ZGRF1: variants seen among roughly 807,000 people sequenced by gnomAD.
ZGRF1 encodes zinc finger GRF-type containing 1.
A neutral mutation model predicts 203.5 loss-of-function variants in ZGRF1; 196 were observed. The observed-to-expected ratio is 0.96, with a 90% confidence interval of 0.86 to 1.08. The LOEUF (loss-of-function observed/expected upper bound fraction) is 1.08. Ranked by LOEUF, ZGRF1 falls within the 50% of genes least tolerant of loss-of-function variation. The pLI is 0.00. For missense variants in ZGRF1, 2,326 were observed against 2,416.3 expected (o/e 0.96, Z 0.78); for synonymous variants, 809 against 841.3 (o/e 0.96, Z 0.66).
At chr4:112,631,766 G>A (rs768405492) in intron 3 of ZGRF1, among the ~76,000 whole-genome samples, 164 bp downstream of exon 3, 5 of 152,128 alleles carry the variant, frequency 3.3e-5, no homozygotes, top group South Asian at 4.1e-4. Context: ...TTTTTATAAC[G>A]CACAAATTAA....
intron 19 of ZGRF1, among the ~76,000 whole-genome samples, chr4:112,559,475 C>T (rs1481820271): frequency 6.6e-6 from 1 of 152,200 alleles, no homozygotes; most frequent in Non-Finnish European, 1.5e-5. Context: ...GCTGGGATTA[C>T]AGGTGTGAGG....
chr4:112,631,132 T>C (rs755176368), intron 3 of ZGRF1, among the ~76,000 whole-genome samples: 1 of 152,220 alleles, frequency 6.6e-6, no homozygotes, highest in African/African-American at 2.4e-5. Flanking sequence ...TAGCATATAA[T>C]AAGCAGTTTA....
At chr4:112,622,664 T>C (rs1280133149) in intron 4 of ZGRF1, among the ~76,000 whole-genome samples, 1 of 152,142 alleles carries the variant, frequency 6.6e-6, no homozygotes, top group Non-Finnish European at 1.5e-5. Flanking sequence ...ATAGAGAGTT[T>C]AGGTGGGCCA....
Position 112,553,826 on chromosome 4 carries a change from ACTT to A in ZGRF1, c.5346+6_5346+8del. 1 of 1,592,534 alleles carries A rather than the reference ACTT, an allele frequency of 6.3e-7. No homozygotes were observed. The highest frequency in any genetic ancestry group is 8.5e-7 in the Non-Finnish European group (1 of 1,174,036). ...AATCAAGAAACAAATTGAAGCTACTACTTCTTACCTGCTTCAGCAGGGTTCTAT... is the reference window on the plus strand; with the variant it reads ...AATCAAGAAACAAATTGAAGCTACTACTTACCTGCTTCAGCAGGGTTCTAT... On this transcript the variant is annotated splice_donor_region_variant and intron_variant, in intron 22 of 27. Coordinates refer to ENST00000505019, the MANE Select transcript of ZGRF1 (RefSeq NM_018392.5).
chr4:112,588,002 G>C, intron 11 of ZGRF1, 73 bp from the exon 12 acceptor site: 1 of 1,069,210 alleles, frequency 9.4e-7, no homozygotes, highest in Non-Finnish European at 1.3e-6. Context: ...AAAACAGTGG[G>C]TATACAAAAG....
chr4:112,627,190 T>C (rs572879623), intron 3 of ZGRF1, among the ~76,000 whole-genome samples: 3 of 152,334 alleles, frequency 2.0e-5, no homozygotes, highest in Admixed American at 2.0e-4. Context: ...AATACTTCAT[T>C]TTGGGAAATA....
rs768823321 is a variant in ZGRF1 at position 112,587,438 on chromosome 4, CT to C, written c.3618del (p.Gly1207AlafsTer24). The C allele has an allele frequency of 3.7e-6, 6 of 1,613,874 alleles. No individual in the cohort carries two copies. The highest frequency in any genetic ancestry group is 5.1e-6 in the Non-Finnish European group (6 of 1,179,852). ...TCCTGCCGCTGTTGATAGAGCATGC[CT>C]TTTATCATTTGCAAATGCACAGAGT... ...SLDSVHLQMI[K>X]GMLYQQRQDF... On this transcript the variant is annotated frameshift_variant, in exon 12 of 28. Transcript: ENST00000505019. LOFTEE classifies it high-confidence loss of function.
At chr4:112,602,740 T>C (rs1750169985) in intron 10 of ZGRF1, among the ~76,000 whole-genome samples, 1 of 152,176 alleles carries the variant, frequency 6.6e-6, no homozygotes, top group African/African-American at 2.4e-5. Context: ...GGCAACAACA[T>C]AAATGAATTT....
chr4:112,540,930 T>G lies in ZGRF1; in HGVS notation c.5801A>C (p.Asn1934Thr). 6.4e-7 allele frequency: 1 copy of G among 1,574,124 alleles called. No homozygotes were observed. Among genetic ancestry groups the G allele is most frequent in the Non-Finnish European group, 8.6e-7 (1 of 1,157,908 alleles). The change falls in exon 26 of 28, where the codon AAT becomes ACT. Residue 1934 changes from asparagine (N) to threonine (T), a missense_variant. Coordinates refer to ENST00000505019, the MANE Select transcript of ZGRF1 (RefSeq NM_018392.5). ...GAGTGTAAACGTAGCTTCTGCCACA[T>G]TATGAAAGCTGTTATCTCTTTCTAT... is the stretch of plus-strand genomic sequence containing the variant. Reference protein sequence around the residue: ...EQIERDNSFHNVAEATFTLKL... With the variant: ...EQIERDNSFHTVAEATFTLKL...
intron 10 of ZGRF1, among the ~76,000 whole-genome samples, chr4:112,591,089 A>C (rs1003856334): frequency 6.6e-6 from 1 of 152,192 alleles, no homozygotes; most frequent in African/African-American, 2.4e-5. Context: ...AGTTCAGTGG[A>C]AGACAGACAA....
intron 24 of ZGRF1, among the ~76,000 whole-genome samples, 198 bp from the exon 25 acceptor site, chr4:112,541,466 A>T (rs897212835): frequency 5.9e-5 from 9 of 151,742 alleles, no homozygotes; most frequent in Non-Finnish European, 1.3e-4. Flanking sequence ...AAAATTAGAA[A>T]ATATAAAAGA....
chr4:112,623,964 ATAAG>A, intron 3 of ZGRF1, 88 bp from the exon 4 acceptor site: 1 of 680,196 alleles, frequency 1.5e-6, no homozygotes, highest in Non-Finnish European at 2.6e-6. Context: ...TAATTGTTAT[ATAAG>A]TAATCATATA....
intron 10 of ZGRF1, among the ~76,000 whole-genome samples, chr4:112,597,527 T>C (rs1749232874): frequency 6.6e-6 from 1 of 151,284 alleles, no homozygotes; most frequent in Non-Finnish European, 1.5e-5. Flanking sequence ...TTGTCTCTAA[T>C]AATAATAATA....
chr4:112,583,158 A>G (rs995484091), intron 15 of ZGRF1, among the ~76,000 whole-genome samples: 1 of 152,200 alleles, frequency 6.6e-6, no homozygotes, highest in Admixed American at 6.5e-5. Flanking sequence ...CGAAGTGCCT[A>G]GTTAGAAGAG....
intron 12 of ZGRF1, among the ~76,000 whole-genome samples, 177 bp from the exon 13 acceptor site, chr4:112,586,760 G>A (rs889367248): frequency 1.3e-5 from 2 of 151,944 alleles, no homozygotes; most frequent in Admixed American, 1.3e-4. Flanking sequence ...GAATAGCTAC[G>A]AATGGCAATT....
In ZGRF1 at chr4:112,540,042, C is replaced by A; in HGVS notation, c.5993G>T (p.Gly1998Val). 2 of 1,609,458 alleles carry A rather than the reference C, an allele frequency of 1.2e-6. No homozygotes were observed. The highest frequency in any genetic ancestry group is 1.7e-6 in the Non-Finnish European group (2 of 1,177,124). Residue 1998 changes from glycine (G) to valine (V), a missense_variant, in exon 27 of 28, where the codon GGA becomes GTA. Coordinates refer to ENST00000505019, the MANE Select transcript of ZGRF1 (RefSeq NM_018392.5). ...CAGAATAATGATCTCCTTTTCAGCT[C>A]CCTGAAAAGCATCTACTGTGGACAC... ...VQVSTVDAFQGAEKEIIILSC... is the reference protein window; with the variant it reads ...VQVSTVDAFQVAEKEIIILSC...
At chr4:112,632,117 CAAA>C (rs2047431262) in intron 2 of ZGRF1, 107 bp from the exon 3 acceptor site, 1 of 442,720 alleles carries the variant, frequency 2.3e-6, no homozygotes, top group East Asian at 3.8e-5. Context: ...CACCTTTCAT[CAAA>C]AAAAGGCACA....
intron 10 of ZGRF1, among the ~76,000 whole-genome samples, chr4:112,591,069 CAAG>C (rs1394890147): frequency 6.6e-6 from 1 of 152,040 alleles, no homozygotes; most frequent in East Asian, 1.9e-4. Context: ...TCCCTGGACT[CAAG>C]GAGTTCAGTT....
At chr4:112,606,488 C>A (rs994160601) in intron 8 of ZGRF1, among the ~76,000 whole-genome samples, 3 of 151,882 alleles carry the variant, frequency 2.0e-5, no homozygotes, top group Admixed American at 2.0e-4. Flanking sequence ...ATGGAGGAAC[C>A]CCATCTCTAC....
Sources: gnomAD v4.1 joint callset for allele counts (sites outside exome capture counted in the v4.1 genomes callset) on GRCh38, gnomAD v4.1.1 for gene constraint, MANE v1.5 for transcripts, NCBI Gene and HGNC (gene_info 2026-07-23, HGNC 2026-07-21) for gene names.